The following ZNF487 variants were observed in gnomAD, a reference collection of about 807,000 sequenced individuals.
ZNF487 encodes KRAB domain only 1.
A neutral mutation model predicts 3.0 loss-of-function variants in ZNF487; 4 were observed. That is an observed-to-expected ratio of 1.35 (90% CI 0.66 to 3.08). ZNF487 has a LOEUF of 3.08. Ranked by LOEUF, ZNF487 falls within the 30% of genes most tolerant of loss-of-function variation. ZNF487 has a pLI of 0.01. For synonymous variants in ZNF487, 55 were observed against 34.6 expected (o/e 1.59, Z -2.06); for missense variants, 146 against 98.7 (o/e 1.48, Z -2.03).
the ZNF487 span, among the ~76,000 whole-genome samples, chr10:43,519,108 G>A: frequency 3.2e-4 from 49 of 151,910 alleles, no homozygotes; most frequent in African/African-American, 1.2e-3. Flanking sequence ...TTGAGATGGG[G>A]TCTTGCTGTG....
At chr10:43,517,335 C>T in the ZNF487 span, among the ~76,000 whole-genome samples, 10 of 152,200 alleles carry the variant, frequency 6.6e-5, no homozygotes, top group Admixed American at 3.3e-4. Context: ...ACATATTCCT[C>T]ATTTACAAGT....
chr10:43,504,047 G>T, the ZNF487 span, among the ~76,000 whole-genome samples: 5 of 152,068 alleles, frequency 3.3e-5, no homozygotes, highest in Non-Finnish European at 5.9e-5. Context: ...GCAATAGGCC[G>T]TATCATATAG....
the ZNF487 span, among the ~76,000 whole-genome samples, chr10:43,503,922 C>T: frequency 6.6e-5 from 10 of 152,060 alleles, no homozygotes; most frequent in Admixed American, 4.6e-4. Flanking sequence ...TTATCTTTCA[C>T]GCTGTATACT....
At chr10:43,507,483 G>C in the ZNF487 span, among the ~76,000 whole-genome samples, 2 of 152,188 alleles carry the variant, frequency 1.3e-5, no homozygotes, top group Non-Finnish European at 2.9e-5. Context: ...CTCTCCTGGT[G>C]TCTAAGAGCA....
At chr10:43,512,113 G>C in the ZNF487 span, among the ~76,000 whole-genome samples, 1 of 152,328 alleles carries the variant, frequency 6.6e-6, no homozygotes, top group Admixed American at 6.5e-5. Flanking sequence ...AGATGTCCTA[G>C]AAAGGGGCTG....
chr10:43,513,519 C>T, the ZNF487 span, among the ~76,000 whole-genome samples: 22 of 152,288 alleles, frequency 1.4e-4, no homozygotes, highest in South Asian at 2.3e-3. Flanking sequence ...ACCACCCCAG[C>T]GTCTTTCAAG....
intron 1 of ZNF487, among the ~76,000 whole-genome samples, chr10:43,466,981 C>A (rs1840728784): frequency 6.6e-6 from 1 of 151,404 alleles, no homozygotes; most frequent in Non-Finnish European, 1.5e-5. Flanking sequence ...GATTCTCCTG[C>A]CGCAGCCTCC....
chr10:43,467,077 G>A (rs1188336356), intron 1 of ZNF487, among the ~76,000 whole-genome samples: 1 of 151,990 alleles, frequency 6.6e-6, no homozygotes, highest in Non-Finnish European at 1.5e-5. Flanking sequence ...GTTTCATCAT[G>A]TTGACCAGGC....
chr10:43,488,024 A>T (rs1841485120), downstream of ZNF487, among the ~76,000 whole-genome samples: 1 of 151,628 alleles, frequency 6.6e-6, no homozygotes, highest in Non-Finnish European at 1.5e-5. Flanking sequence ...AATTGCTTAA[A>T]CAGGGAGGCG....
rs1196017091 is a variant in ZNF487, at chr10:43,465,114, CGGAT to C, written c.-93-10604_-93-10601del. 2.7e-3 allele frequency among the ~76,000 whole-genome samples: 377 copies of C among 138,830 alleles called. 1 individual carries two copies. Among genetic ancestry groups the C allele is most frequent in the African/African-American group, 9.3e-3 (347 of 37,210 alleles). 91.1% of individuals were successfully genotyped at this position (138,830 alleles called of 152,430 possible). ...GGGGCTGACCCCCCCACCTCCCTCC[CGGAT>C]GGGGCGGCTGGCCGGGCGGGGGGCT... is the stretch of plus-strand genomic sequence containing the variant. On this transcript the variant is annotated intron_variant, in intron 1 of 3. Coordinates refer to ENST00000437590, the MANE Select transcript of ZNF487 (RefSeq NM_001355444.3).
At chr10:43,448,531 GT>G (rs1358462273) in intron 1 of ZNF487, among the ~76,000 whole-genome samples, 12 of 151,854 alleles carry the variant, frequency 7.9e-5, no homozygotes, top group Non-Finnish European at 1.8e-4. Context: ...AGGAGATGGG[GT>G]CGGCTGGGTG....
chr10:43,463,146 A>G (rs1220792269), intron 1 of ZNF487, among the ~76,000 whole-genome samples: 6 of 151,932 alleles, frequency 3.9e-5, no homozygotes, highest in Non-Finnish European at 8.8e-5. Flanking sequence ...TGGCAGGAGA[A>G]TTGCTTGAAC....
At chr10:43,470,599 G>C (rs1349865495) in intron 1 of ZNF487, among the ~76,000 whole-genome samples, 1 of 152,022 alleles carries the variant, frequency 6.6e-6, no homozygotes, top group Non-Finnish European at 1.5e-5. Flanking sequence ...TGGTCAGGCT[G>C]GTCTTGAACT....
chr10:43,448,329 GT>G (rs1003875231), intron 1 of ZNF487, among the ~76,000 whole-genome samples: 4 of 149,390 alleles, frequency 2.7e-5, no homozygotes, highest in African/African-American at 4.9e-5. Flanking sequence ...GTCAAAAAAT[GT>G]TTTTTTTTTC....
At chr10:43,464,390 T>A (rs1840570832) in intron 1 of ZNF487, among the ~76,000 whole-genome samples, 1 of 151,864 alleles carries the variant, frequency 6.6e-6, no homozygotes, top group Non-Finnish European at 1.5e-5. Context: ...TTATTTTTTT[T>A]TATTGATCAT....
At chr10:43,446,063 T>A (rs941643856) in intron 1 of ZNF487, among the ~76,000 whole-genome samples, 1 of 152,216 alleles carries the variant, frequency 6.6e-6, no homozygotes, top group African/African-American at 2.4e-5. Flanking sequence ...AAATGGAGTC[T>A]CCTATGTCTA....
At chr10:43,510,953 T>C in the ZNF487 span, among the ~76,000 whole-genome samples, 1 of 152,212 alleles carries the variant, frequency 6.6e-6, no homozygotes, top group Non-Finnish European at 1.5e-5. Flanking sequence ...CTGGTGGCAG[T>C]GTTCCTCCCT....
the ZNF487 span, among the ~76,000 whole-genome samples, chr10:43,503,331 A>G: frequency 6.6e-6 from 1 of 152,220 alleles, no homozygotes; most frequent in African/African-American, 2.4e-5. Flanking sequence ...ATATAAAGAA[A>G]ATATTTTTGT....
the ZNF487 span, among the ~76,000 whole-genome samples, chr10:43,515,913 T>A: frequency 6.6e-6 from 1 of 152,180 alleles, no homozygotes; most frequent in East Asian, 1.9e-4. Flanking sequence ...TAGCTGGGAC[T>A]ACAGGGCGCA....
Sources: gnomAD v4.1 joint callset for allele counts (sites outside exome capture counted in the v4.1 genomes callset) on GRCh38, gnomAD v4.1.1 for gene constraint, MANE v1.5 for transcripts, NCBI Gene and HGNC (gene_info 2026-07-23, HGNC 2026-07-21) for gene names.